Variants in NYAP2 observed in about 807,000 individuals in gnomAD.
The protein encoded by NYAP2 is neuronal tyrosine-phosphorylated phosphoinositide-3-kinase adapter 2.
Under a neutral mutation model 50.4 loss-of-function variants are expected in NYAP2, and 23 were observed. The ratio of observed to expected loss-of-function variants is 0.46; its 90% CI spans 0.33 to 0.65. The LOEUF is 0.65. NYAP2 is among the 30% of genes least tolerant of loss of function. NYAP2 has a pLI of 0.02. For synonymous variants in NYAP2, 394 were observed against 365.2 expected, an observed-to-expected ratio of 1.08 and a Z score of -0.90; for missense variants, 885 against 861.0, an observed-to-expected ratio of 1.03 and a Z score of -0.35.
At chr2:225,536,292 C>A (rs1039229454) in intron 4 of NYAP2, among the ~76,000 whole-genome samples, 3 of 152,178 alleles carry the variant, frequency 2.0e-5, no homozygotes, top group Admixed American at 2.0e-4. Flanking sequence ...GTGCTCTCAG[C>A]CTATGCCATT....
intron 5 of NYAP2, among the ~76,000 whole-genome samples, chr2:225,607,990 C>A (rs7593510): frequency 6.6e-6 from 1 of 151,932 alleles, no homozygotes; most frequent in Non-Finnish European, 1.5e-5. Context: ...AATGAATTCT[C>A]AATATAACCT....
At chr2:225,696,208 T>A in the NYAP2 span, among the ~76,000 whole-genome samples, 1 of 152,004 alleles carries the variant, frequency 6.6e-6, no homozygotes, top group Non-Finnish European at 1.5e-5. Context: ...TATCATTTAT[T>A]AGCTGTGACC....
At chr2:225,543,414 A>T (rs1691510904) in intron 4 of NYAP2, among the ~76,000 whole-genome samples, 1 of 151,658 alleles carries the variant, frequency 6.6e-6, no homozygotes, top group South Asian at 2.1e-4. Context: ...CTGTTTTATG[A>T]CTGTTTTCAC....
At chr2:225,603,746 T>C (rs961183823) in intron 5 of NYAP2, among the ~76,000 whole-genome samples, 2 of 152,184 alleles carry the variant, frequency 1.3e-5, no homozygotes, top group African/African-American at 4.8e-5. Flanking sequence ...ACTCAGAAGA[T>C]AGTTTTGTTT....
chr2:225,680,552 A>G, the NYAP2 span, among the ~76,000 whole-genome samples: 1,109 of 152,296 alleles, frequency 7.3e-3, 20 homozygotes, highest in African/African-American at 0.026. Flanking sequence ...AAAGATAGTC[A>G]TTGCAACTTA....
intron 3 of NYAP2, among the ~76,000 whole-genome samples, chr2:225,456,774 T>C (rs1178268955): frequency 6.6e-6 from 1 of 152,122 alleles, no homozygotes; most frequent in Non-Finnish European, 1.5e-5. Context: ...TTCCCATATA[T>C]CTTCCTGCAG....
exon 7 of NYAP2, chr2:225,651,774 C>T (rs748350533): frequency 1.2e-5 from 7 of 563,446 alleles, no homozygotes; most frequent in South Asian, 4.9e-5. Context: ...GTTACCAAAT[C>T]GTTTTTGTCT....
At chr2:225,510,294 A>G (rs2106183357) in intron 3 of NYAP2, among the ~76,000 whole-genome samples, 1 of 152,272 alleles carries the variant, frequency 6.6e-6, no homozygotes, top group Non-Finnish European at 1.5e-5. Context: ...GATTGCTTCT[A>G]ATTGATATAT....
chr2:225,655,888 A>ACACACACACACACACACACACC (rs1693813747), downstream of NYAP2, among the ~76,000 whole-genome samples: 1 of 74,110 alleles, frequency 1.3e-5, no homozygotes, highest in Non-Finnish European at 2.8e-5. Flanking sequence ...CCTCCACTAC[A>ACACACACACACACACACACACC]CACACACACA....
chr2:225,546,918 G>A (rs1310918094), intron 4 of NYAP2, among the ~76,000 whole-genome samples: 1 of 152,116 alleles, frequency 6.6e-6, no homozygotes, highest in African/African-American at 2.4e-5. Flanking sequence ...AATCCTTCCA[G>A]GACTGGGTCC....
intron 3 of NYAP2, among the ~76,000 whole-genome samples, chr2:225,411,733 G>A (rs1695044904): frequency 6.6e-6 from 1 of 152,070 alleles, no homozygotes; most frequent in Non-Finnish European, 1.5e-5. Flanking sequence ...ATGCCTTAGA[G>A]TGAAGTGTCA....
intron 5 of NYAP2, among the ~76,000 whole-genome samples, chr2:225,600,496 T>G (rs1016337919): frequency 7.2e-5 from 11 of 152,190 alleles, no homozygotes; most frequent in African/African-American, 2.7e-4. Flanking sequence ...GCTGTTATCA[T>G]CTTTGTTTTC....
intron 5 of NYAP2, among the ~76,000 whole-genome samples, chr2:225,625,766 T>C (rs1449471216): frequency 6.6e-6 from 1 of 152,116 alleles, no homozygotes; most frequent in Non-Finnish European, 1.5e-5. Flanking sequence ...AGCTTAGACA[T>C]TCTATGGGCA....
At chr2:225,419,219 G>T (rs1200873191) in intron 3 of NYAP2, among the ~76,000 whole-genome samples, 2 of 152,190 alleles carry the variant, frequency 1.3e-5, no homozygotes, top group African/African-American at 4.8e-5. Flanking sequence ...AAGATAAAAG[G>T]CAGATGTAGG....
chr2:225,639,521 T>C (rs1364222411), intron 6 of NYAP2, among the ~76,000 whole-genome samples: 1 of 152,124 alleles, frequency 6.6e-6, no homozygotes, highest in Non-Finnish European at 1.5e-5. Context: ...ATCAAGTCAA[T>C]TGCCCAGATT....
chr2:225,668,217 C>A, the NYAP2 span, among the ~76,000 whole-genome samples: 2 of 152,176 alleles, frequency 1.3e-5, no homozygotes, highest in Admixed American at 1.3e-4. Context: ...TGCTTTTTTT[C>A]CAGAATGTCC....
At chr2:225,489,204 A>AT (rs946987597) in intron 3 of NYAP2, among the ~76,000 whole-genome samples, 2 of 148,394 alleles carry the variant, frequency 1.3e-5, no homozygotes, top group Non-Finnish European at 3.0e-5. Flanking sequence ...TTATTTATTT[A>AT]TTTTTTTTAA....
At chr2:225,480,068 A>C (rs1235878684) in intron 3 of NYAP2, among the ~76,000 whole-genome samples, 1 of 152,140 alleles carries the variant, frequency 6.6e-6, no homozygotes, top group Non-Finnish European at 1.5e-5. Flanking sequence ...CTTTCTAAGG[A>C]AATCCAAACT....
At chr2:225,574,033 G>C (rs1416560430) in intron 4 of NYAP2, among the ~76,000 whole-genome samples, 4 of 152,124 alleles carry the variant, frequency 2.6e-5, no homozygotes, top group Non-Finnish European at 4.4e-5. Flanking sequence ...ATTTCCAATA[G>C]GCAAAATATT....
Sources: allele counts gnomAD v4.1 joint callset (sites outside exome capture counted in the v4.1 genomes callset), GRCh38; gene constraint gnomAD v4.1.1; transcripts MANE v1.5; gene names NCBI Gene and HGNC (gene_info 2026-07-23, HGNC 2026-07-21).